Variants in PROM1 observed in about 807,000 individuals in gnomAD.
The protein encoded by PROM1 is prominin-1.
A neutral mutation model predicts 116.9 loss-of-function variants in PROM1; 105 were observed. The observed-to-expected ratio is 0.90, with a 90% CI of 0.77 to 1.06. The LOEUF is 1.06. PROM1 is among the 50% of genes least tolerant of loss of function. The pLI is 0.00. For synonymous variants in PROM1, 393 were observed against 387.0 expected, an observed-to-expected ratio of 1.02 and a Z score of -0.18; for missense variants, 1,122 against 1,045.2, an observed-to-expected ratio of 1.07 and a Z score of -1.01.
rs75423234 is a variant in PROM1, at chr4:16,013,659, G to A, written c.1078-321C>T. On this transcript the variant is annotated intron_variant, in intron 10 of 27. Transcript: ENST00000447510. ...ATCTATACCAGTGGTTCTCAACTGG[G>A]AGAAATTTTGTTCTCAACTAGGGTA... 2.0e-3 allele frequency among the ~76,000 whole-genome samples: 297 copies of A among 152,282 alleles called. 2 individuals are homozygous for A. The highest frequency in any genetic ancestry group is 6.9e-3 in the African/African-American group (286 of 41,548).
chr4:16,008,859 A>T, intron 12 of PROM1, 90 bp downstream of exon 12: 1 of 1,293,370 alleles, frequency 7.7e-7, no homozygotes, highest in Non-Finnish European at 1.1e-6. Flanking sequence ...ATTTGCTCTC[A>T]TAAGATTATC....
intron 4 of PROM1, 49 bp from the exon 5 acceptor site, chr4:16,033,558 A>T: frequency 2.4e-6 from 3 of 1,240,710 alleles, no homozygotes; most frequent in Non-Finnish European, 3.4e-6. Flanking sequence ...CAAAATAATA[A>T]GTAGAACATT....
At chr4:16,014,387 G>A (rs1727733233) in intron 10 of PROM1, among the ~76,000 whole-genome samples, 1 of 152,170 alleles carries the variant, frequency 6.6e-6, no homozygotes, top group Non-Finnish European at 1.5e-5. Flanking sequence ...ATGTCATGGG[G>A]GGTTTCACAG....
intron 16 of PROM1, 33 bp from the exon 17 acceptor site, chr4:15,992,424 T>C: frequency 6.2e-7 from 1 of 1,602,900 alleles, no homozygotes; most frequent in Non-Finnish European, 8.5e-7. Context: ...ATCAGTCCCT[T>C]ATTCTCCAAG....
chr4:16,050,118 G>A (rs1047484495), intron 2 of PROM1, among the ~76,000 whole-genome samples: 1 of 151,890 alleles, frequency 6.6e-6, no homozygotes, highest in East Asian at 1.9e-4. Flanking sequence ...AAAATTAGCC[G>A]GGCGCGGTGG....
chr4:16,059,454 A>G (rs1228444022), intron 2 of PROM1, among the ~76,000 whole-genome samples: 1 of 152,194 alleles, frequency 6.6e-6, no homozygotes, highest in Non-Finnish European at 1.5e-5. Flanking sequence ...CTATAATCCC[A>G]GCACTTTGGG....
intron 2 of PROM1, among the ~76,000 whole-genome samples, chr4:16,039,228 TAG>T (rs556592937): frequency 1.2e-3 from 187 of 152,284 alleles, no homozygotes; most frequent in African/African-American, 4.2e-3. Context: ...GTGACAGAAT[TAG>T]AGAGTTGTCA....
chr4:16,003,722 C>T (rs184610602), intron 13 of PROM1, among the ~76,000 whole-genome samples: 5 of 152,210 alleles, frequency 3.3e-5, no homozygotes, highest in Middle Eastern at 3.4e-3. Context: ...AGGCTGAGGT[C>T]GGAGGATCTC....
At chr4:16,058,909 G>A (rs2149500419) in intron 2 of PROM1, among the ~76,000 whole-genome samples, 1 of 152,238 alleles carries the variant, frequency 6.6e-6, no homozygotes, top group South Asian at 2.1e-4. Context: ...TCTTAACTCT[G>A]GAGCCTAGTC....
chr4:16,036,502 G>T (rs147772236), intron 3 of PROM1, among the ~76,000 whole-genome samples: 4 of 152,086 alleles, frequency 2.6e-5, no homozygotes, highest in Admixed American at 2.6e-4. Flanking sequence ...AAATGATCCC[G>T]GTCTCCCTTT....
Position 16,024,294 on chromosome 4 carries a change from C to T in PROM1, c.694+1G>A, listed in dbSNP as rs878853399. ...GTGAAGCAACTTTAAATTTTACTCA[C>T]TGTTCAGATCTGTGAACGCCTTGTC... On this transcript the variant is annotated splice_donor_variant, in intron 7 of 27. Transcript: ENST00000447510. LOFTEE classifies it high-confidence loss of function. 4 of 1,612,020 alleles carry T rather than the reference C, an allele frequency of 2.5e-6. No homozygotes were observed. Among genetic ancestry groups the T allele is most frequent in the Non-Finnish European group, 3.4e-6 (4 of 1,178,372 alleles).
rs146167837 is a variant in PROM1 at position 16,081,664 on chromosome 4, C to T, written c.-213+2314G>A. On this transcript the variant is annotated intron_variant, in intron 1 of 27. Transcript: ENST00000447510. ...AGCTTCCACTGTTTTAACAAAGTATCTTGACCCTTAACAAATCTCAGAAAT... is the reference window on the plus strand; with the variant it reads ...AGCTTCCACTGTTTTAACAAAGTATTTTGACCCTTAACAAATCTCAGAAAT... Among the ~76,000 whole-genome samples the T allele has an allele frequency of 2.7e-3, 410 of 152,306 alleles. 3 individuals carry two copies. The highest frequency in any genetic ancestry group is 8.1e-3 in the East Asian group (42 of 5,182).
chr4:15,986,966 GCT>G (rs1202299140), intron 20 of PROM1, among the ~76,000 whole-genome samples: 2 of 152,240 alleles, frequency 1.3e-5, no homozygotes, highest in African/African-American at 4.8e-5. Context: ...CAGCCTTGCA[GCT>G]CTGTGTCTGC....
intron 17 of PROM1, among the ~76,000 whole-genome samples, chr4:15,991,995 G>A (rs898537409): frequency 6.6e-6 from 1 of 150,610 alleles, no homozygotes; most frequent in East Asian, 1.9e-4. Flanking sequence ...GTTGCCAAGG[G>A]TTTGGGGAGG....
intron 10 of PROM1, among the ~76,000 whole-genome samples, chr4:16,013,669 G>T (rs1262764236): frequency 6.6e-6 from 1 of 152,176 alleles, no homozygotes; most frequent in African/African-American, 2.4e-5. Flanking sequence ...GAGAAATTTT[G>T]TTCTCAACTA....
intron 17 of PROM1, among the ~76,000 whole-genome samples, 181 bp downstream of exon 17, chr4:15,992,067 A>T (rs1375196629): frequency 6.6e-6 from 1 of 152,042 alleles, no homozygotes. Flanking sequence ...TTGGAACTAC[A>T]GGAACTACAG....
chr4:16,049,902 T>C (rs1019640856), intron 2 of PROM1, among the ~76,000 whole-genome samples: 3 of 152,136 alleles, frequency 2.0e-5, no homozygotes, highest in African/African-American at 7.2e-5. Context: ...CTTTGAGGCA[T>C]TGTCCCCACA....
At chr4:15,999,470 TAA>T (rs55902645) in intron 14 of PROM1, among the ~76,000 whole-genome samples, 4 of 141,532 alleles carry the variant, frequency 2.8e-5, no homozygotes, top group African/African-American at 5.2e-5. Flanking sequence ...GACTCCGTCT[TAA>T]AAAAAAAAAA....
At chr4:15,985,663 T>A in intron 22 of PROM1, 97 bp downstream of exon 22, 2 of 949,028 alleles carry the variant, frequency 2.1e-6, no homozygotes, top group Non-Finnish European at 3.2e-6. Context: ...TACCAAATTA[T>A]GGGAAATTTA....
Sources: gnomAD v4.1 joint callset for allele counts (sites outside exome capture counted in the v4.1 genomes callset) on GRCh38, gnomAD v4.1.1 for gene constraint, MANE v1.5 for transcripts, NCBI Gene and HGNC (gene_info 2026-07-23, HGNC 2026-07-21) for gene names.